RBFOX3: variants seen among roughly 807,000 people sequenced by gnomAD.
RBFOX3 encodes the protein RNA binding fox-1 homolog 3.
A neutral mutation model predicts 48.7 loss-of-function variants in RBFOX3; 17 were observed. The ratio of observed to expected loss-of-function variants is 0.35; its 90% CI spans 0.24 to 0.52. The LOEUF (loss-of-function observed/expected upper bound fraction) is 0.52. RBFOX3 is among the 20% of genes least tolerant of loss of function. The pLI is 0.94. For missense variants in RBFOX3, 382 were observed against 497.5 expected (o/e 0.77, Z 2.21); for synonymous variants, 212 against 209.5 (o/e 1.01, Z -0.10).
intron 3 of RBFOX3, among the ~76,000 whole-genome samples, chr17:79,305,139 C>T (rs1163121032): frequency 6.6e-6 from 1 of 152,128 alleles, no homozygotes. Flanking sequence ...AATCATCAAC[C>T]CCTCCGATGG....
intron 1 of RBFOX3, among the ~76,000 whole-genome samples, chr17:79,496,771 C>T (rs2149679848): frequency 6.6e-6 from 1 of 152,300 alleles, no homozygotes; most frequent in Admixed American, 6.5e-5. Flanking sequence ...GTGATGCCCA[C>T]CTCTGAGCCT....
chr17:79,526,821 C>T (rs2086863038), intron 1 of RBFOX3, among the ~76,000 whole-genome samples: 1 of 152,242 alleles, frequency 6.6e-6, no homozygotes, highest in South Asian at 2.1e-4. Context: ...TCCCGTTATA[C>T]CCACTTTGGG....
At position 79,493,206 on chromosome 17, in the gene RBFOX3, G is replaced by C. The variant is rs1000843000; in HGVS notation, c.-319-10608C>G. ...TCTTTTAAACAACCAGATCTCACAT[G>C]AACTAATTGAGGGACAACTCACTCA... is the stretch of plus-strand genomic sequence containing the variant. On this transcript the variant is annotated intron_variant, in intron 1 of 14. Coordinates refer to ENST00000693108, the MANE Select transcript of RBFOX3 (RefSeq NM_001350451.2). 5.3e-5 allele frequency among the ~76,000 whole-genome samples: 8 copies of C among 152,142 alleles called. No individual in the cohort carries two copies. In the South Asian group the frequency reaches 1.7e-3, roughly 32 times the overall value.
intron 4 of RBFOX3, among the ~76,000 whole-genome samples, chr17:79,165,463 C>T (rs945501375): frequency 9.9e-5 from 15 of 152,276 alleles, no homozygotes; most frequent in African/African-American, 2.4e-5. Context: ...GAGGGCACAG[C>T]GGGGTCCCAT....
chr17:79,186,623 G>A (rs1014019424), intron 4 of RBFOX3, among the ~76,000 whole-genome samples: 16 of 152,204 alleles, frequency 1.1e-4, no homozygotes, highest in African/African-American at 2.9e-4. Context: ...CTCCTGGGGC[G>A]GAGGGAGGCT....
At chr17:79,310,131 C>T (rs182372144) in intron 2 of RBFOX3, among the ~76,000 whole-genome samples, 1 of 152,314 alleles carries the variant, frequency 6.6e-6, no homozygotes, top group East Asian at 1.9e-4. Context: ...ACAGCTACCC[C>T]GGACGCGGTG....
intron 2 of RBFOX3, among the ~76,000 whole-genome samples, chr17:79,394,161 G>C (rs1486145516): frequency 6.6e-6 from 1 of 152,228 alleles, no homozygotes; most frequent in East Asian, 1.9e-4. Flanking sequence ...CACATCATCT[G>C]AATCGGTCAT....
At chr17:79,319,414 C>T (rs561027479) in intron 2 of RBFOX3, among the ~76,000 whole-genome samples, 4 of 152,352 alleles carry the variant, frequency 2.6e-5, no homozygotes, top group Admixed American at 2.0e-4. Flanking sequence ...CCCACTTGGG[C>T]TGCCGGAGTG....
At chr17:79,352,006 AGAG>A (rs1366445281) in intron 2 of RBFOX3, among the ~76,000 whole-genome samples, 3 of 152,124 alleles carry the variant, frequency 2.0e-5, no homozygotes, top group Non-Finnish European at 4.4e-5. Context: ...GCTTCTACTG[AGAG>A]GAGAAGCTTC....
rs188141070 is a variant in RBFOX3, at chr17:79,246,883, G to A, written c.-73-11078C>T. Among the ~76,000 whole-genome samples the A allele has an allele frequency of 5.3e-4, 80 of 152,232 alleles. 1 individual carries two copies. The highest frequency in any genetic ancestry group is 4.2e-3 in the Admixed American group (64 of 15,286). Reference sequence around the variant, plus strand: ...GGGATGGGGGTGGGGGGAGAACGGCGGAGACAGGAAAAGGAGCCGAGTTAA... The same window carrying A: ...GGGATGGGGGTGGGGGGAGAACGGCAGAGACAGGAAAAGGAGCCGAGTTAA... On this transcript the variant is annotated intron_variant, in intron 3 of 14. Coordinates refer to ENST00000693108, the MANE Select transcript of RBFOX3 (RefSeq NM_001350451.2).
intron 3 of RBFOX3, among the ~76,000 whole-genome samples, chr17:79,245,544 T>A (rs79707340): frequency 0.021 from 3,153 of 149,086 alleles, 143 homozygotes; most frequent in African/African-American, 0.078. Flanking sequence ...GCTCACCCCC[T>A]CAGTCCTTTG....
chr17:79,114,300 A>G (rs543780347), intron 5 of RBFOX3, among the ~76,000 whole-genome samples: 1 of 152,016 alleles, frequency 6.6e-6, no homozygotes, highest in South Asian at 2.1e-4. Context: ...GGCCTTTTCC[A>G]TGTGTGTCCT....
chr17:79,149,303 C>T (rs906499518), intron 4 of RBFOX3, among the ~76,000 whole-genome samples: 2 of 152,094 alleles, frequency 1.3e-5, no homozygotes, highest in Non-Finnish European at 2.9e-5. Flanking sequence ...CTCCCTGGCC[C>T]GGTGCAGCCA....
intron 1 of RBFOX3, among the ~76,000 whole-genome samples, chr17:79,530,141 G>C (rs2087491928): frequency 6.6e-6 from 1 of 152,226 alleles, no homozygotes; most frequent in Non-Finnish European, 1.5e-5. Flanking sequence ...AGCCCACAGA[G>C]AGGAGGAATC....
intron 2 of RBFOX3, among the ~76,000 whole-genome samples, chr17:79,427,129 G>A (rs782270087): frequency 2.4e-4 from 36 of 152,198 alleles, no homozygotes; most frequent in African/African-American, 7.7e-4. Context: ...TATGGTGCTC[G>A]GAGCAGTAGC....
intron 1 of RBFOX3, among the ~76,000 whole-genome samples, chr17:79,607,579 T>G (rs1484815658): frequency 6.6e-6 from 1 of 152,200 alleles, no homozygotes; most frequent in Admixed American, 6.5e-5. Flanking sequence ...ATGCATTCCT[T>G]CCTTCCGAAT....
intron 1 of RBFOX3, among the ~76,000 whole-genome samples, chr17:79,607,430 G>A (rs2093858327): frequency 6.6e-6 from 1 of 152,116 alleles, no homozygotes; most frequent in African/African-American, 2.4e-5. Context: ...GCCCCACCCT[G>A]CAAGGGCTGA....
intron 1 of RBFOX3, among the ~76,000 whole-genome samples, chr17:79,515,570 GTC>G (rs1425028726): frequency 2.0e-5 from 3 of 152,182 alleles, no homozygotes; most frequent in Non-Finnish European, 4.4e-5. Context: ...CCTTCTCAGA[GTC>G]TCTGCTCTGC....
At chr17:79,382,654 C>T (rs1309620578) in intron 2 of RBFOX3, among the ~76,000 whole-genome samples, 1 of 152,224 alleles carries the variant, frequency 6.6e-6, no homozygotes, top group Non-Finnish European at 1.5e-5. Context: ...CACAACCACA[C>T]TCACGCGCAT....
Sources: allele counts gnomAD v4.1 joint callset (sites outside exome capture counted in the v4.1 genomes callset), GRCh38; gene constraint gnomAD v4.1.1; transcripts MANE v1.5; gene names NCBI Gene and HGNC (gene_info 2026-07-23, HGNC 2026-07-21).